The following ADAMTS2 variants were observed in gnomAD, a reference collection of about 807,000 sequenced individuals.
The protein encoded by ADAMTS2 is A disintegrin and metalloproteinase with thrombospondin motifs 2.
ADAMTS2 carries 50 observed loss-of-function variants against 123.0 expected under a neutral mutation model. The ratio of observed to expected loss-of-function variants is 0.41; its 90% CI spans 0.32 to 0.51. The LOEUF is 0.51. Ranked by LOEUF, ADAMTS2 falls within the 20% of genes least tolerant of loss-of-function variation. The probability of loss-of-function intolerance (pLI) is 0.35; values close to 1 mark genes in which losing one functional copy is unlikely to be tolerated. For missense variants in ADAMTS2, 1,494 were observed against 1,705.2 expected (o/e 0.88, Z 2.18); for synonymous variants, 678 against 695.4 (o/e 0.98, Z 0.39).
At chr5:179,299,698 C>T (rs1406680512) in intron 2 of ADAMTS2, among the ~76,000 whole-genome samples, 1 of 151,960 alleles carries the variant, frequency 6.6e-6, no homozygotes, top group Non-Finnish European at 1.5e-5. Context: ...CTTTTAGAGG[C>T]TACCCACATT....
At position 179,260,889 on chromosome 5, in the gene ADAMTS2, T is replaced by C. The variant is rs2113488000; in HGVS notation, c.688+12022A>G. On this transcript the variant is annotated intron_variant, in intron 3 of 21. Transcript: ENST00000251582. This position sits in a 1 kb window ranked among gnomAD's most constrained non-coding sequence, Gnocchi z 4.2. ...CAGTGGTAGCCCTGCACCTTAGTTT[T>C]CTCTCTGCTTCCAGGACTACCGTGC... Among the ~76,000 whole-genome samples, 1 of 152,220 alleles carries C rather than the reference T, an allele frequency of 6.6e-6. No individual in the cohort carries two copies. The highest frequency in any genetic ancestry group is 2.1e-4 in the South Asian group (1 of 4,822).
intron 3 of ADAMTS2, among the ~76,000 whole-genome samples, chr5:179,220,715 C>T (rs1010201556): frequency 1.8e-4 from 27 of 152,216 alleles, no homozygotes; most frequent in African/African-American, 6.5e-4. Flanking sequence ...ATCTGCGCCT[C>T]CCCCATCTCT....
chr5:179,345,040 G>T lies in ADAMTS2; in HGVS notation c.139+150C>A, dbSNP rs1581301411. The T allele has an allele frequency of 7.9e-6, 4 of 504,396 alleles. No homozygotes were observed. Among genetic ancestry groups the T allele is most frequent in the South Asian group, 8.4e-5 (1 of 11,922 alleles). The allele number at this position is 504,396 out of a possible 1,614,324, so 31.2% of individuals were successfully genotyped here. A position where few individuals can be genotyped will look rare whatever the true frequency, so the allele number is the denominator to read the frequency against. ...GGGGCGCCCCCTGCGCGACCAACCC[G>T]GCCCCGAAGTTGGCCAACTTGGCCC... On this transcript the variant is annotated intron_variant, in intron 1 of 21. Coordinates refer to ENST00000251582, the MANE Select transcript of ADAMTS2 (RefSeq NM_014244.5). The surrounding 1 kb of genome is among the most constrained non-coding windows in gnomAD (Gnocchi z 7.5).
intron 2 of ADAMTS2, among the ~76,000 whole-genome samples, chr5:179,278,804 G>A (rs947953007): frequency 4.0e-5 from 6 of 151,872 alleles, no homozygotes; most frequent in South Asian, 2.1e-4. Context: ...TCAAGTTGCC[G>A]GCATTCAGAT....
rs536440077 is a variant in ADAMTS2, at chr5:179,202,142, G to A, written c.891+5371C>T. On this transcript the variant is annotated intron_variant, in intron 4 of 21. Coordinates refer to ENST00000251582, the MANE Select transcript of ADAMTS2 (RefSeq NM_014244.5). This position sits in a 1 kb window ranked among gnomAD's most constrained non-coding sequence, Gnocchi z 4.0. ...ATTTCCACTGCTCCCGGAGCCACAG[G>A]CGGCTCCCCTCCACCTCTGGAAGAC... Among the ~76,000 whole-genome samples, 2 of 152,298 alleles carry A rather than the reference G, an allele frequency of 1.3e-5. No homozygotes were observed. Among genetic ancestry groups the A allele is most frequent in the Admixed American group, 1.3e-4 (2 of 15,306 alleles).
chr5:179,251,688 AT>A lies in ADAMTS2; in HGVS notation c.688+21222del, dbSNP rs575447982. Among the ~76,000 whole-genome samples the A allele has an allele frequency of 2.9e-3, 440 of 152,310 alleles. 6 individuals are homozygous for A. The highest frequency in any genetic ancestry group is 0.01 in the African/African-American group (419 of 41,564). The stretch of plus-strand genomic sequence containing the variant: ...GTGAGCCAGCAATTCTCCTAGGCAT[AT>A]ACCTAAGAGTAATGAACATATATGT... On this transcript the variant is annotated intron_variant, in intron 3 of 21. Transcript: ENST00000251582.
At chr5:179,184,238 C>T (rs930603431) in intron 4 of ADAMTS2, among the ~76,000 whole-genome samples, 3 of 152,120 alleles carry the variant, frequency 2.0e-5, no homozygotes, top group Admixed American at 6.5e-5. Flanking sequence ...CCTGGCCAGG[C>T]GCAGTGGCTC....
At chr5:179,153,748 T>TGTGCTGCCTCAGTTTCC (rs1358878819) in intron 8 of ADAMTS2, 125 bp from the exon 9 acceptor site, 1 of 1,382,970 alleles carries the variant, frequency 7.2e-7, no homozygotes. Flanking sequence ...GGCCCCTGGC[T>TGTGCTGCCTCAGTTTCC]GTGCTGCCTC....
intron 3 of ADAMTS2, among the ~76,000 whole-genome samples, chr5:179,251,683 G>A (rs468499): frequency 1.3e-5 from 2 of 151,976 alleles, no homozygotes; most frequent in African/African-American, 4.8e-5. Flanking sequence ...AATTCTCCTA[G>A]GCATATACCT....
intron 3 of ADAMTS2, among the ~76,000 whole-genome samples, chr5:179,240,046 G>A (rs146002720): frequency 6.6e-6 from 1 of 152,298 alleles, no homozygotes; most frequent in Non-Finnish European, 1.5e-5. Context: ...TCTCCACCTA[G>A]GGGGTGCTGC....
At chr5:179,250,654 G>A (rs1207037024) in intron 3 of ADAMTS2, among the ~76,000 whole-genome samples, 2 of 152,216 alleles carry the variant, frequency 1.3e-5, no homozygotes, top group African/African-American at 4.8e-5. Flanking sequence ...GGGTGACGCA[G>A]CATTACCTGC....
chr5:179,122,901 G>A, intron 19 of ADAMTS2, 128 bp from the exon 20 acceptor site: 1 of 1,444,890 alleles, frequency 6.9e-7, no homozygotes. Context: ...ACAGTGGGGA[G>A]AGTGGGGTTT....
intron 2 of ADAMTS2, among the ~76,000 whole-genome samples, chr5:179,275,533 T>C (rs1293936656): frequency 6.6e-6 from 1 of 152,140 alleles, no homozygotes; most frequent in Admixed American, 6.5e-5. Flanking sequence ...AATGCAGTCC[T>C]TGCCCACTTC....
intron 3 of ADAMTS2, among the ~76,000 whole-genome samples, chr5:179,219,336 C>G (rs1765072367): frequency 6.6e-6 from 1 of 152,226 alleles, no homozygotes; most frequent in Non-Finnish European, 1.5e-5. Flanking sequence ...CAGGTCAATT[C>G]ATTTAGCTCT....
At chr5:179,239,686 A>G (rs190400712) in intron 3 of ADAMTS2, among the ~76,000 whole-genome samples, 1 of 152,216 alleles carries the variant, frequency 6.6e-6, no homozygotes, top group African/African-American at 2.4e-5. Context: ...TAAAGCAACA[A>G]GAGGAATGAG....
At chr5:179,142,334 A>T (rs1431419589) in intron 10 of ADAMTS2, among the ~76,000 whole-genome samples, 1 of 152,148 alleles carries the variant, frequency 6.6e-6, no homozygotes, top group Non-Finnish European at 1.5e-5. Context: ...CGGATTTCAG[A>T]TTTTCAGATT....
At chr5:179,249,565 G>C (rs778214396) in intron 3 of ADAMTS2, among the ~76,000 whole-genome samples, 2 of 152,046 alleles carry the variant, frequency 1.3e-5, no homozygotes, top group Non-Finnish European at 2.9e-5. Context: ...CAAAAGTGGG[G>C]ACATTACTAC....
At chr5:179,305,996 A>G (rs961767637) in intron 2 of ADAMTS2, among the ~76,000 whole-genome samples, 4 of 152,184 alleles carry the variant, frequency 2.6e-5, no homozygotes, top group Non-Finnish European at 5.9e-5. Flanking sequence ...AAAATCCTGC[A>G]AAAAAGAAAT....
At position 179,230,786 on chromosome 5, in the gene ADAMTS2, G is replaced by A. The variant is rs551463025; in HGVS notation, c.689-23071C>T. On this transcript the variant is annotated intron_variant, in intron 3 of 21. Transcript: ENST00000251582. ...AGCACTTTGGGAGGCCGAGGCAGGC[G>A]GATTGCCTGAGGTCAGGAGTTCGAG... 2.2e-3 allele frequency among the ~76,000 whole-genome samples: 336 copies of A among 152,300 alleles called. 1 individual carries two copies. Among genetic ancestry groups the A allele is most frequent in the African/African-American group, 7.7e-3 (321 of 41,578 alleles).
Sources: allele counts gnomAD v4.1 joint callset (sites outside exome capture counted in the v4.1 genomes callset), GRCh38; gene constraint gnomAD v4.1.1; non-coding constraint Gnocchi (gnomAD v3.1); transcripts MANE v1.5; gene names NCBI Gene and HGNC (gene_info 2026-07-23, HGNC 2026-07-21).